Variants in KCNQ5 observed in about 807,000 individuals in gnomAD.
The protein encoded by KCNQ5 is potassium voltage-gated channel subfamily Q member 5.
In KCNQ5, 30 loss-of-function variants were observed where a neutral mutation model predicts 98.2. The observed-to-expected ratio is 0.31, with a 90% confidence interval of 0.23 to 0.41. The LOEUF (loss-of-function observed/expected upper bound fraction) is 0.41, where lower values mean the gene tolerates loss of function less well. KCNQ5 is among the 10% of genes least tolerant of loss of function. The pLI is 1.00. For synonymous variants in KCNQ5, 458 were observed against 449.4 expected, an observed-to-expected ratio of 1.02 and a Z score of -0.24; for missense variants, 835 against 1,182.5, an observed-to-expected ratio of 0.71 and a Z score of 4.31.
intron 1 of KCNQ5, among the ~76,000 whole-genome samples, chr6:72,881,521 A>G (rs1581950052): frequency 6.6e-6 from 1 of 152,288 alleles, no homozygotes; most frequent in East Asian, 1.9e-4. Context: ...AAGATAGTCA[A>G]AGATATTATC....
chr6:73,023,117 G>C (rs900285371), intron 2 of KCNQ5, among the ~76,000 whole-genome samples: 2 of 152,190 alleles, frequency 1.3e-5, no homozygotes, highest in Non-Finnish European at 1.5e-5. Context: ...GAAGCTACAT[G>C]AGCATCAGGA....
chr6:73,144,747 T>A (rs1029018089), intron 10 of KCNQ5, among the ~76,000 whole-genome samples: 2 of 152,230 alleles, frequency 1.3e-5, no homozygotes, highest in Non-Finnish European at 2.9e-5. Context: ...TGGTGCTGAC[T>A]GGACTAAGGT....
intron 2 of KCNQ5, among the ~76,000 whole-genome samples, chr6:73,012,383 GA>G (rs1338144809): frequency 6.6e-6 from 1 of 152,126 alleles, no homozygotes; most frequent in African/African-American, 2.4e-5. Context: ...AATAATGTAT[GA>G]TTCCACTTAT....
intron 1 of KCNQ5, among the ~76,000 whole-genome samples, chr6:72,995,495 A>G (rs1423878488): frequency 3.9e-5 from 6 of 152,198 alleles, no homozygotes; most frequent in African/African-American, 9.6e-5. Context: ...AGATTGCTAC[A>G]TCAGGGGAAT....
At chr6:72,863,615 G>A (rs937124872) in intron 1 of KCNQ5, among the ~76,000 whole-genome samples, 2 of 152,110 alleles carry the variant, frequency 1.3e-5, no homozygotes, top group Non-Finnish European at 2.9e-5. Context: ...TTTAAAAATA[G>A]CTCATGATAG....
At chr6:72,626,409 C>CTGTT (rs777848327) in intron 1 of KCNQ5, among the ~76,000 whole-genome samples, 2 of 152,108 alleles carry the variant, frequency 1.3e-5, no homozygotes, top group Non-Finnish European at 2.9e-5. Flanking sequence ...ATTCTAGGTA[C>CTGTT]TGTTAAGTAT....
chr6:72,854,781 T>TGTGTGC (rs1777456883), intron 1 of KCNQ5, among the ~76,000 whole-genome samples: 1 of 146,308 alleles, frequency 6.8e-6, no homozygotes, highest in Non-Finnish European at 1.5e-5. Context: ...TGTGTGTGTG[T>TGTGTGC]GTGCGTGCGT....
chr6:72,805,697 T>C (rs1284794303), intron 1 of KCNQ5, among the ~76,000 whole-genome samples: 1 of 152,144 alleles, frequency 6.6e-6, no homozygotes, highest in East Asian at 1.9e-4. Flanking sequence ...TCTTTCTATT[T>C]CTGTGAAGAA....
intron 1 of KCNQ5, among the ~76,000 whole-genome samples, chr6:72,952,077 T>A (rs560485843): frequency 6.6e-6 from 1 of 152,282 alleles, no homozygotes; most frequent in Admixed American, 6.5e-5. Context: ...ATTGTAAGTT[T>A]GCAAAGTTGA....
At chr6:72,666,578 G>A (rs1401478677) in intron 1 of KCNQ5, among the ~76,000 whole-genome samples, 3 of 152,034 alleles carry the variant, frequency 2.0e-5, no homozygotes, top group Non-Finnish European at 2.9e-5. Flanking sequence ...ATGACTTAAT[G>A]TATTGAAATT....
chr6:73,023,758 C>A (rs914759736), intron 2 of KCNQ5, among the ~76,000 whole-genome samples: 1 of 152,146 alleles, frequency 6.6e-6, no homozygotes, highest in Non-Finnish European at 1.5e-5. Flanking sequence ...ATGATGGAAG[C>A]AAAATTGGGG....
intron 1 of KCNQ5, among the ~76,000 whole-genome samples, chr6:72,658,580 T>TATATATATATATA (rs35213829): frequency 9.3e-5 from 6 of 64,856 alleles, no homozygotes; most frequent in African/African-American, 3.7e-4. Flanking sequence ...ATATATATAT[T>TATATATATATATA]TTTTTTTTTT....
At chr6:72,997,699 C>A (rs909469724) in intron 1 of KCNQ5, among the ~76,000 whole-genome samples, 11 of 135,422 alleles carry the variant, frequency 8.1e-5, no homozygotes, top group Non-Finnish European at 1.5e-4. Context: ...AGGAGAATGG[C>A]GTGAATCCGG....
At chr6:72,855,299 T>C (rs560494965) in intron 1 of KCNQ5, among the ~76,000 whole-genome samples, 4 of 80,100 alleles carry the variant, frequency 5.0e-5, no homozygotes, top group Admixed American at 3.3e-4. Flanking sequence ...ATTAACTAGA[T>C]ACTTAAAAAA....
At chr6:72,703,437 G>C (rs1768926403) in intron 1 of KCNQ5, among the ~76,000 whole-genome samples, 1 of 152,100 alleles carries the variant, frequency 6.6e-6, no homozygotes, top group South Asian at 2.1e-4. Context: ...TTTTGTTTTT[G>C]TTTTGTAGTT....
chr6:73,169,889 CATACTT>C, intron 11 of KCNQ5, 35 bp downstream of exon 11: 2 of 1,301,108 alleles, frequency 1.5e-6, no homozygotes, highest in African/African-American at 2.9e-5. Context: ...GATTCAGAGA[CATACTT>C]ATGATTAATT....
At chr6:72,952,385 T>G (rs1373730104) in intron 1 of KCNQ5, among the ~76,000 whole-genome samples, 3 of 152,184 alleles carry the variant, frequency 2.0e-5, no homozygotes, top group Admixed American at 2.0e-4. Context: ...AAATAAATTT[T>G]ATTAGACATG....
intron 1 of KCNQ5, among the ~76,000 whole-genome samples, chr6:72,871,213 T>C (rs1027808623): frequency 2.0e-5 from 3 of 152,332 alleles, no homozygotes; most frequent in South Asian, 4.1e-4. Context: ...TCTTCTTCAT[T>C]AAATTATTTT....
intron 11 of KCNQ5, among the ~76,000 whole-genome samples, chr6:73,187,887 C>T (rs1765442130): frequency 6.6e-6 from 1 of 152,120 alleles, no homozygotes. Flanking sequence ...AGAAAAGCAA[C>T]AAGCAACTTT....
Sources: gnomAD v4.1 joint callset for allele counts (sites outside exome capture counted in the v4.1 genomes callset) on GRCh38, gnomAD v4.1.1 for gene constraint, MANE v1.5 for transcripts, NCBI Gene and HGNC (gene_info 2026-07-23, HGNC 2026-07-21) for gene names.